ADGRE1: variants seen among roughly 807,000 people sequenced by gnomAD.
ADGRE1 encodes adhesion G protein-coupled receptor E1, also known as EGF-like module receptor 1.
In ADGRE1, 82 loss-of-function variants were observed where a neutral mutation model predicts 102.7. The observed-to-expected ratio is 0.80, with a 90% CI of 0.67 to 0.96. The LOEUF is 0.96. ADGRE1 is among the 40% of genes least tolerant of loss of function. The probability of loss-of-function intolerance (pLI) is 0.00; values close to 1 mark genes in which losing one functional copy is unlikely to be tolerated. For missense variants in ADGRE1, 1,032 were observed against 1,085.3 expected (o/e 0.95, Z 0.69); for synonymous variants, 398 against 399.6 (o/e 1.00, Z 0.05).
intron 10 of ADGRE1, among the ~76,000 whole-genome samples, chr19:6,910,028 C>G (rs543084616): frequency 1.3e-5 from 2 of 152,228 alleles, no homozygotes; most frequent in East Asian, 3.9e-4. Context: ...GCCACCAAGT[C>G]TAGCCAAAAG....
chr19:6,904,900 T>C, intron 8 of ADGRE1, among the ~76,000 whole-genome samples: 1 of 152,126 alleles, frequency 6.6e-6, no homozygotes, highest in Non-Finnish European at 1.5e-5. Context: ...GAAGGACTTC[T>C]CTAGAGGAAG....
intron 10 of ADGRE1, among the ~76,000 whole-genome samples, chr19:6,912,046 A>G (rs1790061851): frequency 6.6e-6 from 1 of 152,068 alleles, no homozygotes; most frequent in African/African-American, 2.4e-5. Context: ...ACACACATAT[A>G]TACATACAGG....
intron 17 of ADGRE1, among the ~76,000 whole-genome samples, chr19:6,931,111 G>A (rs1975127837): frequency 6.7e-6 from 1 of 148,676 alleles, no homozygotes; most frequent in Admixed American, 6.7e-5. Context: ...TCTGGTAACT[G>A]CTGTTCTACT....
intron 14 of ADGRE1, among the ~76,000 whole-genome samples, chr19:6,923,959 T>C (rs777782438): frequency 5.9e-5 from 9 of 151,320 alleles, no homozygotes; most frequent in African/African-American, 2.2e-4. Context: ...ATTTTAAAAT[T>C]AATTATGAAT....
At chr19:6,925,826 C>T (rs1259276504) in intron 15 of ADGRE1, among the ~76,000 whole-genome samples, 2 of 151,964 alleles carry the variant, frequency 1.3e-5, no homozygotes, top group Non-Finnish European at 2.9e-5. Flanking sequence ...CTCCCAAGTA[C>T]CTGGGACCAC....
At chr19:6,895,678 A>G (rs1973521734) in intron 2 of ADGRE1, 1 of 152,170 alleles carries the variant, frequency 6.6e-6, no homozygotes, top group Admixed American at 6.5e-5. Flanking sequence ...TACTTTGGGT[A>G]GCAAGGATCC....
In ADGRE1 at chr19:6,893,363, A is replaced by G. The variant is rs1348602749; in HGVS notation, c.94+2820A>G. 2.6e-5 allele frequency among the ~76,000 whole-genome samples: 4 copies of G among 151,940 alleles called. No individual in the cohort carries two copies. The East Asian group carries it at 7.8e-4, about 30-fold the overall frequency. ...CAGGCATGAACCACCATGCCTGGCT[A>G]ATTTTTTTTTATTTTTAGTAGAGAC... On this transcript the variant is annotated intron_variant, in intron 2 of 20. Coordinates refer to ENST00000312053, the MANE Select transcript of ADGRE1 (RefSeq NM_001974.5).
At chr19:6,928,583 C>T (rs182344205) in intron 17 of ADGRE1, 76 of 259,780 alleles carry the variant, frequency 2.9e-4, no homozygotes, top group Non-Finnish European at 5.2e-4. Flanking sequence ...GAGCCAAATT[C>T]ATGCCACTGT....
intron 14 of ADGRE1, among the ~76,000 whole-genome samples, chr19:6,924,324 G>A (rs1399037694): frequency 1.3e-5 from 2 of 152,120 alleles, no homozygotes; most frequent in Non-Finnish European, 2.9e-5. Flanking sequence ...TCTGCCGAAA[G>A]CTGATATTTG....
chr19:6,895,160 G>A (rs888652501), intron 2 of ADGRE1: 1 of 152,230 alleles, frequency 6.6e-6, no homozygotes, highest in East Asian at 1.9e-4. Flanking sequence ...CCCCGTGGTT[G>A]GAAATGGATC....
At position 6,922,016 on chromosome 19, in the gene ADGRE1, G is replaced by C. The variant is rs1267319076; in HGVS notation, c.1791+133G>C. The C allele has an allele frequency of 1.1e-5, 12 of 1,053,622 alleles. No individual in the cohort carries two copies. In the Admixed American group the frequency reaches 3.1e-4, roughly 27 times the overall value. 65.3% of individuals were successfully genotyped at this position (1,053,622 alleles called of 1,614,324 possible). On this transcript the variant is annotated intron_variant, in intron 14 of 20. Coordinates refer to ENST00000312053, the MANE Select transcript of ADGRE1 (RefSeq NM_001974.5). ...GGGATGGAGTCACGGGGACAGAAGGGGTAGGTGATATGCCTTTGCCCCTGC... is the reference window on the plus strand; with the variant it reads ...GGGATGGAGTCACGGGGACAGAAGGCGTAGGTGATATGCCTTTGCCCCTGC...
intron 16 of ADGRE1, among the ~76,000 whole-genome samples, chr19:6,927,104 C>T (rs964274105): frequency 2.6e-5 from 4 of 152,016 alleles, no homozygotes; most frequent in African/African-American, 4.8e-5. Flanking sequence ...TTGAACATGA[C>T]GGAATGGTTG....
rs1159571319 is a variant in ADGRE1 at position 6,908,699 on chromosome 19, G to A, written c.1049G>A (p.Cys350Tyr). 4 of 1,560,912 alleles carry A rather than the reference G, an allele frequency of 2.6e-6. No homozygotes were observed. Among genetic ancestry groups the A allele is most frequent in the African/African-American group, 2.8e-5 (2 of 71,206 alleles). ...TAVKPAYVSF[C>Y]AQINNIFSVL... Reference sequence around the variant, plus strand: ...TTTTCTGGGACGCAGGTCTCCTTTTGTGCACAAATAAATAACATCTTCAGC... The same window carrying A: ...TTTTCTGGGACGCAGGTCTCCTTTTATGCACAAATAAATAACATCTTCAGC... The change falls in exon 10 of 21, where the codon TGT (cysteine) becomes TAT (tyrosine). Residue 350 changes from cysteine to tyrosine, a missense_variant. Cys to Tyr is a radical substitution (Grantham distance 194, BLOSUM62 -2). Coordinates refer to ENST00000312053, the MANE Select transcript of ADGRE1 (RefSeq NM_001974.5).
In ADGRE1 at chr19:6,896,441, C is replaced by G; in HGVS notation, c.138C>G (p.Thr46=). 1 of 1,614,096 alleles carries G rather than the reference C, an allele frequency of 6.2e-7. No homozygotes were observed. The highest frequency in any genetic ancestry group is 8.5e-7 in the Non-Finnish European group (1 of 1,179,994). Residue 46 remains threonine (T), a synonymous_variant, in exon 3 of 21, where the codon ACC becomes ACG. Coordinates refer to ENST00000312053, the MANE Select transcript of ADGRE1 (RefSeq NM_001974.5). The stretch of plus-strand genomic sequence containing the variant: ...GTACCTTGTGCCCAGCTTATGCCAC[C>G]TGCACCAATACAGTGGACAGTTACT... ...RDSTLCPAYA[T]CTNTVDSYYC...
rs200018413 is a variant in ADGRE1, at chr19:6,896,420, C to A, written c.117C>A (p.Thr39=). The A allele has an allele frequency of 2.2e-5, 36 of 1,614,108 alleles. 1 individual carries two copies. The Middle Eastern group carries it at 3.0e-3, about 133-fold the overall frequency. The change falls in exon 3 of 21, where the codon ACC becomes ACA. Residue 39 remains threonine (T), a synonymous_variant. Coordinates refer to ENST00000312053, the MANE Select transcript of ADGRE1 (RefSeq NM_001974.5). ...TAGGTAATAACTGTAGAGACAGTACCTTGTGCCCAGCTTATGCCACCTGCA... is the reference window on the plus strand; with the variant it reads ...TAGGTAATAACTGTAGAGACAGTACATTGTGCCCAGCTTATGCCACCTGCA... ...NTKGNNCRDS[T]LCPAYATCTN...
intron 9 of ADGRE1, 21 bp downstream of exon 9, chr19:6,906,542 C>T (rs748385056): frequency 5.0e-6 from 8 of 1,605,978 alleles, no homozygotes; most frequent in Non-Finnish European, 6.8e-6. Context: ...TTTAAGGTTC[C>T]TAGTTTTTGA....
intron 13 of ADGRE1, among the ~76,000 whole-genome samples, chr19:6,920,918 T>G (rs1479654226): frequency 1.3e-5 from 2 of 152,170 alleles, no homozygotes; most frequent in Non-Finnish European, 2.9e-5. Context: ...GATCTCTTTT[T>G]GGGGGAAGAA....
intron 8 of ADGRE1, among the ~76,000 whole-genome samples, chr19:6,905,422 A>G (rs193092528): frequency 0.011 from 1,680 of 149,504 alleles, 31 homozygotes; most frequent in African/African-American, 0.034. Flanking sequence ...GCGCGATCTC[A>G]GCTCACTGCA....
rs189373198 is a variant in ADGRE1 at position 6,930,798 on chromosome 19, C to T, written c.2289+2587C>T. Reference sequence around the variant, plus strand: ...GATTACAGGTGTGCGCCACCACGCCCAGCTAATTTTTTGTATTTTTAGTAG... The same window carrying T: ...GATTACAGGTGTGCGCCACCACGCCTAGCTAATTTTTTGTATTTTTAGTAG... On this transcript the variant is annotated intron_variant, in intron 17 of 20. Coordinates refer to ENST00000312053, the MANE Select transcript of ADGRE1 (RefSeq NM_001974.5). Among the ~76,000 whole-genome samples, 138 of 152,062 alleles carry T rather than the reference C, an allele frequency of 9.1e-4. 1 individual carries two copies. Among genetic ancestry groups the T allele is most frequent in the African/African-American group, 3.0e-3 (123 of 41,454 alleles).
Sources: gnomAD v4.1 joint callset for allele counts (sites outside exome capture counted in the v4.1 genomes callset) on GRCh38, gnomAD v4.1.1 for gene constraint, MANE v1.5 for transcripts, NCBI Gene and HGNC (gene_info 2026-07-23, HGNC 2026-07-21) for gene names.